The following CNTN5 variants were observed in gnomAD, a reference collection of about 807,000 sequenced individuals.
The protein encoded by CNTN5 is contactin-5.
Under a neutral mutation model 129.1 loss-of-function variants are expected in CNTN5, and 77 were observed. The ratio of observed to expected loss-of-function variants is 0.60; its 90% CI spans 0.50 to 0.72. The LOEUF (loss-of-function observed/expected upper bound fraction) is 0.72. Ranked by LOEUF, CNTN5 falls within the 30% of genes least tolerant of loss-of-function variation. The pLI is 0.00. For missense variants in CNTN5, 1,478 were observed against 1,328.8 expected (o/e 1.11, Z -1.75); for synonymous variants, 509 against 465.6 (o/e 1.09, Z -1.20).
At chr11:100,215,180 G>A (rs551733473) in intron 15 of CNTN5, among the ~76,000 whole-genome samples, 1 of 152,278 alleles carries the variant, frequency 6.6e-6, no homozygotes, top group African/African-American at 2.4e-5. Context: ...TCACATGACA[G>A]TCTGAATGTA....
At chr11:100,300,388 A>T (rs981407752) in intron 20 of CNTN5, among the ~76,000 whole-genome samples, 1 of 151,516 alleles carries the variant, frequency 6.6e-6, no homozygotes, top group African/African-American at 2.4e-5. Flanking sequence ...AGACAGCCTT[A>T]TGTTTCTTAA....
At chr11:99,222,302 A>T (rs1860436381) in intron 1 of CNTN5, among the ~76,000 whole-genome samples, 1 of 151,920 alleles carries the variant, frequency 6.6e-6, no homozygotes, top group African/African-American at 2.4e-5. Flanking sequence ...GATAAATACA[A>T]TATAAAAGGA....
chr11:99,575,381 G>A (rs139274993), intron 3 of CNTN5, among the ~76,000 whole-genome samples: 6 of 152,208 alleles, frequency 3.9e-5, no homozygotes, highest in East Asian at 1.9e-4. Context: ...TCTTTACCTC[G>A]GAATAGGTAC....
intron 3 of CNTN5, among the ~76,000 whole-genome samples, chr11:99,738,893 G>A (rs891070725): frequency 2.0e-5 from 3 of 152,086 alleles, no homozygotes; most frequent in East Asian, 3.9e-4. Flanking sequence ...CAAAATATTA[G>A]AATCACCTCT....
intron 9 of CNTN5, among the ~76,000 whole-genome samples, chr11:100,042,921 T>C (rs1232572912): frequency 1.3e-5 from 2 of 152,200 alleles, no homozygotes. Context: ...GTTGAACAGA[T>C]ATAATTTCAA....
chr11:99,206,219 T>C (rs921938303), intron 1 of CNTN5, among the ~76,000 whole-genome samples: 1 of 152,136 alleles, frequency 6.6e-6, no homozygotes, highest in Non-Finnish European at 1.5e-5. Flanking sequence ...AAGATTTCTT[T>C]CTTAGTGGAA....
Position 99,073,893 on chromosome 11 carries a change from TAATGGGATTGCTGGGTCA to T in CNTN5, c.-210+52629_-210+52646del, listed in dbSNP as rs374416750. On this transcript the variant is annotated intron_variant, in intron 1 of 24. Coordinates refer to ENST00000524871, the MANE Select transcript of CNTN5 (RefSeq NM_014361.4). ...TATAATCCTTTGGGTATATACTCAGTAATGGGATTGCTGGGTCAAATGGTATTTCTGGTTCTAGATCCT... is the reference window on the plus strand; with the variant it reads ...TATAATCCTTTGGGTATATACTCAGTAATGGTATTTCTGGTTCTAGATCCT... Among the ~76,000 whole-genome samples, 915 of 152,332 alleles carry T rather than the reference TAATGGGATTGCTGGGTCA, an allele frequency of 6.0e-3. 10 individuals carry two copies. The highest frequency in any genetic ancestry group is 0.021 in the African/African-American group (876 of 41,574).
At chr11:99,431,942 G>A (rs1943386204) in intron 2 of CNTN5, among the ~76,000 whole-genome samples, 1 of 152,166 alleles carries the variant, frequency 6.6e-6, no homozygotes, top group East Asian at 1.9e-4. Flanking sequence ...AAGAGGGAGG[G>A]TATGGTCACA....
chr11:99,679,515 A>AT (rs1457391009), intron 3 of CNTN5, among the ~76,000 whole-genome samples: 1 of 151,938 alleles, frequency 6.6e-6, no homozygotes, highest in African/African-American at 2.4e-5. Flanking sequence ...TACTATTGTA[A>AT]TTTTTTTGAG....
chr11:100,211,291 T>C (rs1029802281), intron 15 of CNTN5, among the ~76,000 whole-genome samples: 1 of 152,124 alleles, frequency 6.6e-6, no homozygotes, highest in Admixed American at 6.6e-5. Context: ...CTTGAAAAGG[T>C]ATGATGAATA....
intron 16 of CNTN5, among the ~76,000 whole-genome samples, chr11:100,231,080 A>G (rs1263501110): frequency 6.6e-6 from 1 of 152,192 alleles, no homozygotes; most frequent in Non-Finnish European, 1.5e-5. Flanking sequence ...ACATGCCAGG[A>G]CAGTTCTAGA....
chr11:99,765,586 A>G (rs1248438239), intron 3 of CNTN5, among the ~76,000 whole-genome samples: 2 of 151,328 alleles, frequency 1.3e-5, no homozygotes, highest in African/African-American at 4.9e-5. Context: ...AAGGAACTTC[A>G]TCATATTTTA....
chr11:99,095,104 G>A (rs2135331094), intron 1 of CNTN5, among the ~76,000 whole-genome samples: 1 of 151,688 alleles, frequency 6.6e-6, no homozygotes, highest in African/African-American at 2.4e-5. Flanking sequence ...TCGACATTAG[G>A]TATTTCTTCT....
At chr11:99,226,216 A>C (rs1475878250) in intron 1 of CNTN5, among the ~76,000 whole-genome samples, 1 of 152,202 alleles carries the variant, frequency 6.6e-6, no homozygotes, top group Non-Finnish European at 1.5e-5. Flanking sequence ...CTATGAAAGA[A>C]TTTTAGTCTT....
intron 3 of CNTN5, among the ~76,000 whole-genome samples, chr11:99,737,104 ACT>A (rs1943734857): frequency 6.6e-6 from 1 of 151,396 alleles, no homozygotes; most frequent in South Asian, 2.1e-4. Context: ...AAGGGAAAAA[ACT>A]CTTTAACCAC....
At chr11:99,515,521 T>A (rs1947013860) in intron 2 of CNTN5, among the ~76,000 whole-genome samples, 1 of 152,100 alleles carries the variant, frequency 6.6e-6, no homozygotes, top group Admixed American at 6.6e-5. Flanking sequence ...ATTCTCATTT[T>A]ATTTATAATA....
chr11:99,499,273 C>G (rs79747089), intron 2 of CNTN5, among the ~76,000 whole-genome samples: 3 of 151,874 alleles, frequency 2.0e-5, no homozygotes, highest in African/African-American at 7.3e-5. Context: ...TGAATGTGTC[C>G]CCTCCAAAAT....
At chr11:99,071,401 GA>G (rs1415153074) in intron 1 of CNTN5, among the ~76,000 whole-genome samples, 1 of 151,892 alleles carries the variant, frequency 6.6e-6, no homozygotes, top group Non-Finnish European at 1.5e-5. Flanking sequence ...AATGTCAAAA[GA>G]GTCCACAAAA....
chr11:99,518,044 G>T (rs1024017896), intron 2 of CNTN5, among the ~76,000 whole-genome samples: 1 of 151,988 alleles, frequency 6.6e-6, no homozygotes, highest in Admixed American at 6.6e-5. Flanking sequence ...TCAATTCAGG[G>T]TATCCAAACA....
Sources: gnomAD v4.1 joint callset for allele counts (sites outside exome capture counted in the v4.1 genomes callset) on GRCh38, gnomAD v4.1.1 for gene constraint, MANE v1.5 for transcripts, NCBI Gene and HGNC (gene_info 2026-07-23, HGNC 2026-07-21) for gene names.